SPIRE2: variants seen among roughly 807,000 people sequenced by gnomAD.
The protein encoded by SPIRE2 is spire type actin nucleation factor 2.
SPIRE2 carries 76 observed loss-of-function variants against 80.7 expected under a neutral mutation model. The observed-to-expected ratio is 0.94, with a 90% CI of 0.78 to 1.14. SPIRE2 has a LOEUF of 1.14. SPIRE2 is among the 50% of genes most tolerant of loss of function. SPIRE2 has a pLI of 0.00. For missense variants in SPIRE2, 1,196 were observed against 1,015.3 expected, an observed-to-expected ratio of 1.18 and a Z score of -2.42; for synonymous variants, 535 against 432.6, an observed-to-expected ratio of 1.24 and a Z score of -2.94.
At chr16:89,851,336 T>C (rs1356342205) in intron 3 of SPIRE2, among the ~76,000 whole-genome samples, 1 of 152,176 alleles carries the variant, frequency 6.6e-6, no homozygotes, top group Admixed American at 6.5e-5. Context: ...TGGCCCCCTC[T>C]ATACGCAGGA....
chr16:89,863,748 A>T lies in SPIRE2; in HGVS notation c.1711-46A>T. ...GGTAGCAGGGACAGGGCGGGACCCC[A>T]GGGAGCTTTGGACAAAGCGGGGCTC... On this transcript the variant is annotated intron_variant, in intron 11 of 14. Coordinates refer to ENST00000378247, the MANE Select transcript of SPIRE2 (RefSeq NM_032451.2). This position sits in a 1 kb window ranked among gnomAD's most constrained non-coding sequence, Gnocchi z 4.3. 6.2e-7 allele frequency: 1 copy of T among 1,609,892 alleles called. No homozygotes were observed. Among genetic ancestry groups the T allele is most frequent in the Non-Finnish European group, 8.5e-7 (1 of 1,176,274 alleles).
chr16:89,847,954 G>C (rs552090554), intron 2 of SPIRE2, among the ~76,000 whole-genome samples: 2 of 152,194 alleles, frequency 1.3e-5, no homozygotes, highest in Admixed American at 6.5e-5. Context: ...TGGACCGTGT[G>C]GGGGTTGGGG....
chr16:89,865,818 AT>A (rs2041784049), intron 12 of SPIRE2, among the ~76,000 whole-genome samples: 1 of 151,970 alleles, frequency 6.6e-6, no homozygotes, highest in African/African-American at 2.4e-5. Context: ...AATACAAAAA[AT>A]TAGCTGGGCG....
intron 12 of SPIRE2, among the ~76,000 whole-genome samples, chr16:89,866,187 A>C (rs1211597570): frequency 6.6e-6 from 1 of 152,058 alleles, no homozygotes; most frequent in Admixed American, 6.6e-5. Context: ...AAAATTATGT[A>C]TATTTCTGTT....
chr16:89,870,429 G>A lies in SPIRE2; in HGVS notation c.*157G>A, dbSNP rs1315645061. ...ATATACACTGTTTCCTGGCCCCAGA[G>A]CTCATTTGGGTTCAGGCGCACTTCA... On this transcript the variant is annotated 3_prime_UTR_variant, in exon 15 of 15. Transcript: ENST00000378247. 3 of 579,964 alleles carry A rather than the reference G, an allele frequency of 5.2e-6. No individual in the cohort carries two copies. In the East Asian group the frequency reaches 8.7e-5, roughly 17 times the overall value. The allele number at this position is 579,964 out of a possible 1,614,324, so 35.9% of individuals were successfully genotyped here.
Position 89,855,624 on chromosome 16 carries a change from G to C in SPIRE2, c.916G>C (p.Val306Leu), listed in dbSNP as rs1420684934. The C allele has an allele frequency of 1.2e-6, 2 of 1,612,746 alleles. No individual in the cohort carries two copies. Among genetic ancestry groups the C allele is most frequent in the African/African-American group, 1.3e-5 (1 of 74,918 alleles). The change falls in exon 6 of 15, where the codon GTG (valine) becomes CTG (leucine). Residue 306 changes from valine (V) to leucine (L), a missense_variant. Physicochemically the swap from Val to Leu is conservative, Grantham distance 32 (BLOSUM62 1). Coordinates refer to ENST00000378247, the MANE Select transcript of SPIRE2 (RefSeq NM_032451.2). Reference protein sequence around the residue: ...VMVDGDIPPRVKKDAHELILD... With the variant: ...VMVDGDIPPRLKKDAHELILD... Reference sequence around the variant, plus strand: ...GGTGGATGGGGACATCCCGCCCCGGGTGAAGAAGGACGCTCACGAGCTCAT... The same window carrying C: ...GGTGGATGGGGACATCCCGCCCCGGCTGAAGAAGGACGCTCACGAGCTCAT...
At chr16:89,857,461 C>T (rs1390755437) in intron 7 of SPIRE2, among the ~76,000 whole-genome samples, 3 of 152,020 alleles carry the variant, frequency 2.0e-5, no homozygotes, top group East Asian at 1.9e-4. Context: ...CCCTATTGTC[C>T]TGGTCTTCAC....
chr16:89,835,653 G>C (rs1178412137), intron 1 of SPIRE2, among the ~76,000 whole-genome samples: 1 of 152,152 alleles, frequency 6.6e-6, no homozygotes, highest in Non-Finnish European at 1.5e-5. Context: ...CTCCTCAGAG[G>C]GCATTGGGAC....
intron 9 of SPIRE2, among the ~76,000 whole-genome samples, chr16:89,859,835 T>C (rs1597222086): frequency 6.6e-6 from 1 of 152,188 alleles, no homozygotes; most frequent in South Asian, 2.1e-4. Context: ...GGGCTGAACT[T>C]TACGGAGAGC....
In SPIRE2 at chr16:89,854,720, A is replaced by AGCGGGGCAGACGCAGAGGG. The variant is rs1433212775; in HGVS notation, c.891+71_891+72insGGGGCAGACGCAGAGGGGC. On this transcript the variant is annotated intron_variant, in intron 5 of 14. Transcript: ENST00000378247. ...GTGGTGAGCGGGGCGGACGCAGATG[A>AGCGGGGCAGACGCAGAGGG]GCAGCCTGGATGTTGGGCAGCCCAC... 1.0e-3 allele frequency: 1,514 copies of AGCGGGGCAGACGCAGAGGG among 1,467,456 alleles called. 25 individuals are homozygous for AGCGGGGCAGACGCAGAGGG. The highest frequency in any genetic ancestry group is 1.2e-3 in the East Asian group (48 of 41,454). 90.9% of individuals were successfully genotyped at this position (1,467,456 alleles called of 1,614,324 possible).
Position 89,828,536 on chromosome 16 carries a change from G to A in SPIRE2, c.-15G>A, listed in dbSNP as rs2041347171. ...GACGCGGGTCCGGCGCGCGGGAGGC[G>A]ATGACGGCCCCGCCATGGCCCGGGC... is the stretch of plus-strand genomic sequence containing the variant. On this transcript the variant is annotated 5_prime_UTR_variant, in exon 1 of 15. Coordinates refer to ENST00000378247, the MANE Select transcript of SPIRE2 (RefSeq NM_032451.2). This position sits in a 1 kb window ranked among gnomAD's most constrained non-coding sequence, Gnocchi z 5.9. 2 of 1,073,938 alleles carry A rather than the reference G, an allele frequency of 1.9e-6. No homozygotes were observed. Among genetic ancestry groups the A allele is most frequent in the Admixed American group, 5.4e-5 (1 of 18,666 alleles). The allele number at this position is 1,073,938 out of a possible 1,614,324, so 66.5% of individuals were successfully genotyped here.
chr16:89,834,346 G>A (rs1313940083), intron 1 of SPIRE2, among the ~76,000 whole-genome samples: 1 of 139,614 alleles, frequency 7.2e-6, no homozygotes, highest in Admixed American at 7.3e-5. Flanking sequence ...CTGTGAACCT[G>A]CCTGTGCTCA....
chr16:89,869,755 A>C, intron 14 of SPIRE2, 73 bp downstream of exon 14: 1 of 1,194,460 alleles, frequency 8.4e-7, no homozygotes, highest in East Asian at 2.3e-5. Flanking sequence ...GCTGGGGTGG[A>C]GGGGGCTGGC....
In SPIRE2 at chr16:89,850,594, C is replaced by CCGCG; in HGVS notation, c.583_586dup (p.Leu196ArgfsTer135). 6.6e-7 allele frequency: 1 copy of CCGCG among 1,519,628 alleles called. No homozygotes were observed. Among genetic ancestry groups the CCGCG allele is most frequent in the Non-Finnish European group, 8.8e-7 (1 of 1,139,250 alleles). 94.1% of individuals were successfully genotyped at this position (1,519,628 alleles called of 1,614,324 possible). A position where few individuals can be genotyped will look rare whatever the true frequency, so the allele number is the denominator to read the frequency against. On this transcript the variant is annotated frameshift_variant, in exon 3 of 15. Transcript: ENST00000378247. LOFTEE classifies it high-confidence loss of function. ...CACAGGCGCATTACCAGGCCGTGTGCCGCGCGCTCTTCGTGGAGACGCTGG... is the reference window on the plus strand; with the variant it reads ...CACAGGCGCATTACCAGGCCGTGTGCCGCGCGCGCGCTCTTCGTGGAGACGCTGG...
chr16:89,858,537 G>A (rs770709596), intron 8 of SPIRE2, 30 bp downstream of exon 8: 6 of 1,519,620 alleles, frequency 3.9e-6, no homozygotes, highest in Non-Finnish European at 5.3e-6. Flanking sequence ...CCTGAAAAGA[G>A]ACCAGGAATG....
chr16:89,869,564 C>T lies in SPIRE2; in HGVS notation c.1807-3C>T, dbSNP rs972776336. ...GTTCATACCTCCTCCCTCTGTGCTG[C>T]AGATGAAGATGCCTTCTAAGAAATT... On this transcript the variant is annotated splice_region_variant and splice_polypyrimidine_tract_variant and intron_variant, in intron 13 of 14. Transcript: ENST00000378247. 6.3e-6 allele frequency: 10 copies of T among 1,597,374 alleles called. No individual in the cohort carries two copies. Among genetic ancestry groups the T allele is most frequent in the African/African-American group, 4.0e-5 (3 of 74,600 alleles).
At chr16:89,866,079 G>T (rs1206309773) in intron 12 of SPIRE2, among the ~76,000 whole-genome samples, 2 of 151,718 alleles carry the variant, frequency 1.3e-5, no homozygotes, top group Non-Finnish European at 2.9e-5. Context: ...AGCCAAGGAG[G>T]TCAAGGCTGC....
At chr16:89,846,541 GTCTC>G (rs1282054525) in intron 2 of SPIRE2, 2 of 151,322 alleles carry the variant, frequency 1.3e-5, no homozygotes, top group African/African-American at 4.9e-5. Flanking sequence ...TTGAGACAGA[GTCTC>G]TCTCTGTCAC....
intron 5 of SPIRE2, among the ~76,000 whole-genome samples, chr16:89,855,288 G>A (rs778937325): frequency 2.0e-5 from 3 of 152,104 alleles, no homozygotes; most frequent in African/African-American, 2.4e-5. Flanking sequence ...CTTAGGAGGC[G>A]CCGGCATGGT....
Sources: allele counts gnomAD v4.1 joint callset (sites outside exome capture counted in the v4.1 genomes callset), GRCh38; gene constraint gnomAD v4.1.1; non-coding constraint Gnocchi (gnomAD v3.1); transcripts MANE v1.5; gene names NCBI Gene and HGNC (gene_info 2026-07-23, HGNC 2026-07-21).